CHRM3: variants seen among roughly 807,000 people sequenced by gnomAD.
CHRM3 encodes the protein muscarinic acetylcholine receptor M3.
In CHRM3, 11 loss-of-function variants were observed where a neutral mutation model predicts 41.8. That is an observed-to-expected ratio of 0.26 (90% CI 0.17 to 0.44). CHRM3 has a LOEUF of 0.44. Ranked by LOEUF, CHRM3 falls within the 20% of genes least tolerant of loss-of-function variation. The probability of loss-of-function intolerance (pLI) is 1.00; values close to 1 mark genes in which losing one functional copy is unlikely to be tolerated. For synonymous variants in CHRM3, 297 were observed against 301.4 expected (o/e 0.99, Z 0.15); for missense variants, 571 against 745.4 (o/e 0.77, Z 2.72).
chr1:239,531,692 CT>C (rs1285308127), intron 2 of CHRM3, among the ~76,000 whole-genome samples: 1 of 116,682 alleles, frequency 8.6e-6, no homozygotes, highest in Non-Finnish European at 1.6e-5. Context: ...CAGAGTCTCG[CT>C]CTGTCGCCCA....
intron 1 of CHRM3, among the ~76,000 whole-genome samples, chr1:239,440,293 T>C (rs1180238199): frequency 6.6e-6 from 1 of 150,884 alleles, no homozygotes; most frequent in African/African-American, 2.5e-5. Context: ...AGGTGGTTCT[T>C]GAAAATGAGT....
chr1:239,519,623 T>A (rs1394139215), intron 2 of CHRM3, among the ~76,000 whole-genome samples: 6 of 152,122 alleles, frequency 3.9e-5, no homozygotes, highest in Non-Finnish European at 7.3e-5. Context: ...ACACAGAGAA[T>A]ATTCAATATT....
At chr1:239,831,675 A>C (rs2149100847) in intron 6 of CHRM3, among the ~76,000 whole-genome samples, 1 of 152,276 alleles carries the variant, frequency 6.6e-6, no homozygotes, top group Non-Finnish European at 1.5e-5. Context: ...TGTCCTCTGG[A>C]AATTAAGTCA....
chr1:239,726,953 A>G (rs1010671116), intron 5 of CHRM3, among the ~76,000 whole-genome samples: 7 of 151,940 alleles, frequency 4.6e-5, no homozygotes, highest in African/African-American at 1.7e-4. Context: ...CAATAGAACT[A>G]GCTTCTAGAC....
chr1:239,473,875 A>C (rs137942238), intron 1 of CHRM3, among the ~76,000 whole-genome samples: 2,034 of 152,064 alleles, frequency 0.013, 29 homozygotes, highest in Middle Eastern at 0.02. Flanking sequence ...ATTTCAAAAA[A>C]AAAAATGCCT....
At chr1:239,832,737 G>T (rs1319374106) in intron 6 of CHRM3, among the ~76,000 whole-genome samples, 1 of 151,686 alleles carries the variant, frequency 6.6e-6, no homozygotes. Context: ...AGATCATGGG[G>T]ACATATGCTC....
Position 239,683,756 on chromosome 1 carries a change from C to T in CHRM3, c.-147+5468C>T, listed in dbSNP as rs928571669. Reference sequence around the variant, plus strand: ...GTCATCCAGTCAGGTAATATATTACCTAAGTAAACTTTCTAAGAAGCATTT... The same window carrying T: ...GTCATCCAGTCAGGTAATATATTACTTAAGTAAACTTTCTAAGAAGCATTT... On this transcript the variant is annotated intron_variant, in intron 5 of 6. Transcript: ENST00000676153. Among the ~76,000 whole-genome samples the T allele has an allele frequency of 4.9e-4, 74 of 152,068 alleles. 1 individual carries two copies. The highest frequency in any genetic ancestry group is 1.6e-4 in the Non-Finnish European group (11 of 68,022).
At chr1:239,558,215 T>A (rs1000317452) in intron 3 of CHRM3, among the ~76,000 whole-genome samples, 13 of 152,240 alleles carry the variant, frequency 8.5e-5, no homozygotes, top group Admixed American at 2.0e-4. Flanking sequence ...TGGTTTTGAT[T>A]TGCATTTCTC....
intron 1 of CHRM3, among the ~76,000 whole-genome samples, chr1:239,480,912 A>G (rs1340501615): frequency 2.6e-5 from 4 of 152,134 alleles, no homozygotes; most frequent in Non-Finnish European, 4.4e-5. Context: ...TAACTTGGCA[A>G]TATTCTACAG....
chr1:239,752,491 A>C (rs2148589101), intron 5 of CHRM3, among the ~76,000 whole-genome samples: 1 of 152,342 alleles, frequency 6.6e-6, no homozygotes, highest in Non-Finnish European at 1.5e-5. Context: ...AGTGGAAATA[A>C]ATAGCTTGCA....
chr1:239,549,224 G>A (rs1343905174), intron 3 of CHRM3, among the ~76,000 whole-genome samples: 2 of 152,092 alleles, frequency 1.3e-5, no homozygotes, highest in East Asian at 3.9e-4. Context: ...AGATTTTGGT[G>A]GGGACACAGC....
chr1:239,835,561 A>T (rs1336417048), intron 6 of CHRM3, among the ~76,000 whole-genome samples: 2 of 152,222 alleles, frequency 1.3e-5, no homozygotes, highest in Non-Finnish European at 2.9e-5. Flanking sequence ...ATAGAGACTG[A>T]TAAGGCTTGG....
At chr1:239,543,048 GT>G (rs1370038433) in intron 2 of CHRM3, among the ~76,000 whole-genome samples, 1 of 152,114 alleles carries the variant, frequency 6.6e-6, no homozygotes, top group African/African-American at 2.4e-5. Flanking sequence ...GAGTTCTTCT[GT>G]TTGTTGTTAT....
chr1:239,560,384 T>C (rs1017270848), intron 3 of CHRM3, among the ~76,000 whole-genome samples: 1 of 152,098 alleles, frequency 6.6e-6, no homozygotes, highest in Non-Finnish European at 1.5e-5. Context: ...GCAAAAACAA[T>C]ACAAAACACC....
At chr1:239,660,597 A>T (rs530346903) in intron 4 of CHRM3, among the ~76,000 whole-genome samples, 56 of 152,258 alleles carry the variant, frequency 3.7e-4, no homozygotes, top group African/African-American at 1.3e-3. Flanking sequence ...TAATAGATTA[A>T]CATGGCCAGG....
chr1:239,555,403 T>C (rs1209653274), intron 3 of CHRM3, among the ~76,000 whole-genome samples: 3 of 152,212 alleles, frequency 2.0e-5, no homozygotes, highest in Non-Finnish European at 4.4e-5. Context: ...TAATATGGGA[T>C]GTGCACTTGA....
intron 1 of CHRM3, among the ~76,000 whole-genome samples, chr1:239,400,615 A>G (rs924152327): frequency 2.6e-5 from 4 of 152,012 alleles, no homozygotes; most frequent in South Asian, 2.1e-4. Context: ...ATCCAATTTG[A>G]TATGATTTTT....
At chr1:239,838,741 A>C (rs61831566) in intron 6 of CHRM3, among the ~76,000 whole-genome samples, 14,951 of 152,180 alleles carry the variant, frequency 0.098, 779 homozygotes, top group Non-Finnish European at 0.12. Flanking sequence ...CATAGTTCTC[A>C]TTGTACTACC....
chr1:239,635,596 T>C lies in CHRM3; in HGVS notation c.-250+3310T>C, dbSNP rs1670377076. On this transcript the variant is annotated intron_variant, in intron 4 of 6. Transcript: ENST00000676153. The stretch of plus-strand genomic sequence containing the variant: ...CCCAGGTTTAATTCCCTTTAAAGAC[T>C]GGAAGTTTTATTTCTTAAGGCATAC... Among the ~76,000 whole-genome samples, 3 of 152,344 alleles carry C rather than the reference T, an allele frequency of 2.0e-5. No homozygotes were observed. In the South Asian group the frequency reaches 6.2e-4, roughly 32 times the overall value.
Sources: gnomAD v4.1 joint callset for allele counts (sites outside exome capture counted in the v4.1 genomes callset) on GRCh38, gnomAD v4.1.1 for gene constraint, MANE v1.5 for transcripts, NCBI Gene and HGNC (gene_info 2026-07-23, HGNC 2026-07-21) for gene names.